The following CALN1 variants were observed in gnomAD, a reference collection of about 807,000 sequenced individuals.
The protein encoded by CALN1 is calcium-binding protein 8.
In CALN1, 17 loss-of-function variants were observed where a neutral mutation model predicts 30.6. The observed-to-expected ratio is 0.56, with a 90% CI of 0.38 to 0.83. The LOEUF is 0.83. CALN1 is among the 40% of genes least tolerant of loss of function. The pLI is 0.00. For synonymous variants in CALN1, 156 were observed against 131.4 expected (o/e 1.19, Z -1.28); for missense variants, 291 against 354.9 (o/e 0.82, Z 1.45).
At chr7:72,191,467 T>C (rs10267833) in intron 3 of CALN1, among the ~76,000 whole-genome samples, 35,539 of 142,148 alleles carry the variant, frequency 0.25, 4,617 homozygotes, top group Middle Eastern at 0.37. Flanking sequence ...CTGGGTGTGG[T>C]GGCACATGCC....
At chr7:72,412,575 T>G (rs1562959369), upstream of CALN1, among the ~76,000 whole-genome samples, 1 of 151,956 alleles carries the variant, frequency 6.6e-6, no homozygotes, top group Non-Finnish European at 1.5e-5. Context: ...ACAGAAAAGT[T>G]CTCCAAGTCC....
At chr7:72,214,620 G>A (rs574322764) in intron 3 of CALN1, among the ~76,000 whole-genome samples, 19 of 151,672 alleles carry the variant, frequency 1.3e-4, no homozygotes, top group Non-Finnish European at 2.1e-4. Flanking sequence ...CTTGTCTCAA[G>A]AAAAGAAAAA....
intron 2 of CALN1, among the ~76,000 whole-genome samples, chr7:72,398,295 G>A (rs930092379): frequency 6.6e-6 from 1 of 152,170 alleles, no homozygotes; most frequent in East Asian, 1.9e-4. Context: ...AAGCTATTCA[G>A]AGCAGGGGTG....
intron 2 of CALN1, among the ~76,000 whole-genome samples, chr7:72,305,385 G>C (rs1205333739): frequency 6.6e-6 from 1 of 152,176 alleles, no homozygotes; most frequent in Non-Finnish European, 1.5e-5. Flanking sequence ...TCTTAAGGCT[G>C]TTTTGATCTC....
intron 5 of CALN1, among the ~76,000 whole-genome samples, chr7:71,950,624 C>T (rs894840195): frequency 3.3e-5 from 5 of 152,242 alleles, no homozygotes; most frequent in East Asian, 1.9e-4. Flanking sequence ...TCCCTAACAC[C>T]CCCGATCCAC....
chr7:72,026,587 G>GAA (rs144556214), intron 4 of CALN1, among the ~76,000 whole-genome samples: 2 of 147,980 alleles, frequency 1.4e-5, no homozygotes, highest in African/African-American at 2.5e-5. Flanking sequence ...TCTGTCTGGG[G>GAA]AAAAAAAAAA....
chr7:72,399,688 G>A (rs976209550), intron 2 of CALN1, among the ~76,000 whole-genome samples: 2 of 152,144 alleles, frequency 1.3e-5, no homozygotes, highest in African/African-American at 2.4e-5. Context: ...ACTTCATGGA[G>A]AGTCAACTAA....
At chr7:71,971,480 C>G (rs1797796300) in intron 5 of CALN1, among the ~76,000 whole-genome samples, 1 of 151,880 alleles carries the variant, frequency 6.6e-6, no homozygotes, top group South Asian at 2.1e-4. Context: ...AACAAAAAAC[C>G]CCGAATATTT....
chr7:71,868,306 A>G (rs1791707429), intron 5 of CALN1, among the ~76,000 whole-genome samples: 1 of 151,998 alleles, frequency 6.6e-6, no homozygotes, highest in African/African-American at 2.4e-5. Flanking sequence ...TCATGGCAGA[A>G]GGCAAAGGGC....
At chr7:72,097,906 G>T (rs1806357906) in intron 4 of CALN1, among the ~76,000 whole-genome samples, 2 of 151,912 alleles carry the variant, frequency 1.3e-5, no homozygotes, top group Non-Finnish European at 2.9e-5. Flanking sequence ...TAGAGATGGG[G>T]TTTCACCATA....
chr7:72,138,962 G>A (rs10230110), intron 3 of CALN1, among the ~76,000 whole-genome samples: 2 of 152,152 alleles, frequency 1.3e-5, no homozygotes, highest in African/African-American at 4.8e-5. Flanking sequence ...GAACGCATTC[G>A]AAAGCTTGCA....
chr7:72,339,633 C>T (rs1585537262), intron 2 of CALN1, among the ~76,000 whole-genome samples: 1 of 152,204 alleles, frequency 6.6e-6, no homozygotes, highest in Non-Finnish European at 1.5e-5. Context: ...ATACCTAAGA[C>T]TGGGTAATAT....
In CALN1 at chr7:72,252,689, G is replaced by T. The variant is rs142165049; in HGVS notation, c.244+25997C>A. Reference sequence around the variant, plus strand: ...ATCCCACTGCTCCTTCCAACCTCCAGGGCCACCACCCTTGTCCTAGCCACC... The same window carrying T: ...ATCCCACTGCTCCTTCCAACCTCCATGGCCACCACCCTTGTCCTAGCCACC... On this transcript the variant is annotated intron_variant, in intron 3 of 6. Coordinates refer to ENST00000395275, the MANE Select transcript of CALN1 (RefSeq NM_031468.4). Among the ~76,000 whole-genome samples, 1,084 of 151,764 alleles carry T rather than the reference G, an allele frequency of 7.1e-3. 16 individuals carry two copies. Among genetic ancestry groups the T allele is most frequent in the African/African-American group, 0.025 (1,031 of 41,394 alleles).
At chr7:72,342,367 T>G (rs1052536947) in intron 2 of CALN1, among the ~76,000 whole-genome samples, 1 of 152,176 alleles carries the variant, frequency 6.6e-6, no homozygotes, top group African/African-American at 2.4e-5. Flanking sequence ...ACCTCCATAT[T>G]AAGGTGGTTG....
intron 1 of CALN1, among the ~76,000 whole-genome samples, chr7:72,430,458 G>T (rs1473655187): frequency 6.6e-6 from 1 of 151,960 alleles, no homozygotes; most frequent in Admixed American, 6.6e-5. Context: ...AATTACTGAG[G>T]TGGCTGTTTA....
chr7:72,495,468 A>G, the CALN1 span, among the ~76,000 whole-genome samples: 1 of 152,240 alleles, frequency 6.6e-6, no homozygotes, highest in East Asian at 1.9e-4. Flanking sequence ...GCTAGCTGCT[A>G]GGGACATTGC....
rs565393915 is a variant in CALN1 at position 72,034,261 on chromosome 7, C to T, written c.389-10492G>A. ...CCCAGCTACTGGGGAGGCTGAGGCACGAGAATGGCGTGAACCCAGGAGGCG... is the reference window on the plus strand; with the variant it reads ...CCCAGCTACTGGGGAGGCTGAGGCATGAGAATGGCGTGAACCCAGGAGGCG... On this transcript the variant is annotated intron_variant, in intron 4 of 6. Coordinates refer to ENST00000395275, the MANE Select transcript of CALN1 (RefSeq NM_031468.4). Among the ~76,000 whole-genome samples the T allele has an allele frequency of 8.5e-4, 126 of 148,214 alleles. 2 individuals carry two copies. The East Asian group carries it at 0.023, about 27-fold the overall frequency.
intron 6 of CALN1, among the ~76,000 whole-genome samples, chr7:71,795,320 G>C (rs1001741032): frequency 6.6e-6 from 1 of 151,888 alleles, no homozygotes; most frequent in African/African-American, 2.4e-5. Flanking sequence ...GTGCGTGCCC[G>C]GCCATCTTCC....
chr7:71,821,181 C>T (rs1250782077), intron 5 of CALN1, among the ~76,000 whole-genome samples: 2 of 152,028 alleles, frequency 1.3e-5, no homozygotes, highest in African/African-American at 4.8e-5. Flanking sequence ...AAGGATGACA[C>T]CACCCAAGAA....
Sources: gnomAD v4.1 joint callset for allele counts (sites outside exome capture counted in the v4.1 genomes callset) on GRCh38, gnomAD v4.1.1 for gene constraint, MANE v1.5 for transcripts, NCBI Gene and HGNC (gene_info 2026-07-23, HGNC 2026-07-21) for gene names.